The following TRPC4AP variants were observed in gnomAD, a reference collection of about 807,000 sequenced individuals.
TRPC4AP encodes the protein transient receptor potential cation channel subfamily C member 4 associated protein.
TRPC4AP carries 45 observed loss-of-function variants against 99.0 expected under a neutral mutation model. That is an observed-to-expected ratio of 0.45 (90% CI 0.36 to 0.58). TRPC4AP has a LOEUF of 0.58. Among genes scored for constraint, TRPC4AP ranks in the 20% least tolerant of loss-of-function variants. The pLI, the probability that TRPC4AP is intolerant of heterozygous loss-of-function variation, is 0.00. For synonymous variants in TRPC4AP, 408 were observed against 385.8 expected (o/e 1.06, Z -0.67); for missense variants, 879 against 985.3 (o/e 0.89, Z 1.44).
intron 2 of TRPC4AP, among the ~76,000 whole-genome samples, chr20:35,070,636 G>A (rs2084285126): frequency 6.6e-6 from 1 of 152,054 alleles, no homozygotes; most frequent in Non-Finnish European, 1.5e-5. Context: ...CTAACCTTGT[G>A]ATCCACCCGC....
chr20:35,035,206 T>C lies in TRPC4AP; in HGVS notation c.968A>G (p.Glu323Gly). 6.2e-7 allele frequency: 1 copy of C among 1,614,114 alleles called. No individual in the cohort carries two copies. The highest frequency in any genetic ancestry group is 8.5e-7 in the Non-Finnish European group (1 of 1,179,998). Residue 323 changes from glutamate to glycine, a missense_variant, in exon 8 of 19, where the codon GAA becomes GGA. Coordinates refer to ENST00000252015, the MANE Select transcript of TRPC4AP (RefSeq NM_015638.3). ...ATTGTCTAGCCATGTGTACCACTCT[T>C]CCAACTCCTGAAGGAAGCTGGCTGT... Reference protein sequence around the residue: ...TGTASFLQELEEWYTWLDNAL... With the variant: ...TGTASFLQELGEWYTWLDNAL...
At chr20:35,077,948 C>T in intron 2 of TRPC4AP, 98 bp downstream of exon 2, 2 of 1,378,892 alleles carry the variant, frequency 1.5e-6, no homozygotes, top group African/African-American at 1.5e-5. Flanking sequence ...TAAAAACAGG[C>T]TATTTTTAAA....
intron 15 of TRPC4AP, 118 bp downstream of exon 15, chr20:35,006,317 G>A (rs1044051404): frequency 8.2e-7 from 1 of 1,226,050 alleles, no homozygotes; most frequent in Non-Finnish European, 1.2e-6. Context: ...GCCAAAGACT[G>A]CCCAGACTCC....
At chr20:35,078,020 G>A (rs998961615) in intron 2 of TRPC4AP, 26 bp downstream of exon 2, 9 of 1,580,458 alleles carry the variant, frequency 5.7e-6, no homozygotes, top group African/African-American at 1.4e-5. Flanking sequence ...CCCTGAATAC[G>A]CCCCTCCAAG....
chr20:35,037,333 C>T (rs1258095349), intron 7 of TRPC4AP, among the ~76,000 whole-genome samples: 1 of 117,726 alleles, frequency 8.5e-6, no homozygotes, highest in African/African-American at 3.3e-5. Context: ...GGCGAAAGAG[C>T]GAGACTCTGT....
At position 35,083,775 on chromosome 20, in the gene TRPC4AP, C is replaced by T. The variant is rs1303759180; in HGVS notation, c.169-5601G>A. 1.3e-4 allele frequency among the ~76,000 whole-genome samples: 20 copies of T among 149,720 alleles called. 1 individual carries two copies. Among genetic ancestry groups the T allele is most frequent in the Admixed American group, 1.3e-3 (20 of 15,018 alleles). On this transcript the variant is annotated intron_variant, in intron 1 of 18. Transcript: ENST00000252015. ...TCTTGGGAGGCTACCAGAGAGTGTG[C>T]CCCAGGAAAAAGGAAGACAATTGAG...
intron 2 of TRPC4AP, among the ~76,000 whole-genome samples, chr20:35,074,772 G>A (rs1229500543): frequency 6.6e-6 from 1 of 152,170 alleles, no homozygotes; most frequent in African/African-American, 2.4e-5. Context: ...GAGTTCTGTA[G>A]ATGTCTATTA....
intron 7 of TRPC4AP, among the ~76,000 whole-genome samples, chr20:35,039,056 T>A (rs546330641): frequency 6.6e-6 from 1 of 152,052 alleles, no homozygotes; most frequent in African/African-American, 2.4e-5. Context: ...CTGGGCAACA[T>A]AGCCAGACTG....
At chr20:35,054,615 G>GT (rs1471833228) in intron 5 of TRPC4AP, among the ~76,000 whole-genome samples, 2 of 152,296 alleles carry the variant, frequency 1.3e-5, no homozygotes, top group African/African-American at 4.8e-5. Context: ...TTCTCATTTT[G>GT]TTTTCTAACA....
At chr20:35,079,961 G>A (rs1457153345) in intron 1 of TRPC4AP, among the ~76,000 whole-genome samples, 1 of 145,714 alleles carries the variant, frequency 6.9e-6, no homozygotes, top group Non-Finnish European at 1.5e-5. Context: ...GAATGAGGCG[G>A]CAGTGAGCTA....
At chr20:35,088,443 A>G (rs1305398995) in intron 1 of TRPC4AP, among the ~76,000 whole-genome samples, 1 of 152,228 alleles carries the variant, frequency 6.6e-6, no homozygotes, top group Non-Finnish European at 1.5e-5. Flanking sequence ...AATTTCCTGA[A>G]TATCAAATGG....
At chr20:35,029,289 G>A (rs1049137470) in intron 8 of TRPC4AP, among the ~76,000 whole-genome samples, 1 of 152,140 alleles carries the variant, frequency 6.6e-6, no homozygotes, top group African/African-American at 2.4e-5. Flanking sequence ...CTTTCTCGTG[G>A]ATGCTGCCTG....
rs1488150922 is a variant in TRPC4AP at position 35,005,236 on chromosome 20, T to G, written c.1936+459A>C. On this transcript the variant is annotated intron_variant, in intron 16 of 18. Transcript: ENST00000252015. ...GACAAGGAACAAGTGCCTGACTTTT[T>G]GGGGGTGTGGGGGGGTCACAAACCC... Among the ~76,000 whole-genome samples, 4 of 152,210 alleles carry G rather than the reference T, an allele frequency of 2.6e-5. No individual in the cohort carries two copies. The East Asian group carries it at 7.7e-4, about 29-fold the overall frequency.
intron 9 of TRPC4AP, among the ~76,000 whole-genome samples, 171 bp from the exon 10 acceptor site, chr20:35,016,310 C>T (rs1038966385): frequency 4.6e-5 from 7 of 152,188 alleles, no homozygotes; most frequent in Admixed American, 2.0e-4. Flanking sequence ...CCAGCACACA[C>T]AAACCCACTT....
At chr20:35,077,095 T>C (rs562822256) in intron 2 of TRPC4AP, among the ~76,000 whole-genome samples, 1 of 152,298 alleles carries the variant, frequency 6.6e-6, no homozygotes, top group Admixed American at 6.5e-5. Context: ...GCTGTGCCAT[T>C]TGCTAAGGCC....
At chr20:35,084,092 G>C (rs2084730879) in intron 1 of TRPC4AP, among the ~76,000 whole-genome samples, 1 of 151,906 alleles carries the variant, frequency 6.6e-6, no homozygotes, top group Non-Finnish European at 1.5e-5. Context: ...CTGAGGTCAG[G>C]AGTTCGAGAC....
chr20:35,046,635 C>T (rs2083567478), intron 6 of TRPC4AP, among the ~76,000 whole-genome samples: 1 of 152,136 alleles, frequency 6.6e-6, no homozygotes. Context: ...CCCATACTCG[C>T]CTCTATTTCT....
chr20:35,064,845 A>C (rs2084102687), intron 3 of TRPC4AP, among the ~76,000 whole-genome samples: 1 of 152,230 alleles, frequency 6.6e-6, no homozygotes, highest in Admixed American at 6.5e-5. Context: ...CAACTTCATA[A>C]AATTCAACAA....
intron 8 of TRPC4AP, among the ~76,000 whole-genome samples, chr20:35,022,469 T>C (rs1193459220): frequency 2.0e-5 from 3 of 152,198 alleles, no homozygotes; most frequent in Non-Finnish European, 4.4e-5. Context: ...ATCCCTACTA[T>C]TTTAAGAGGG....
Sources: gnomAD v4.1 joint callset for allele counts (sites outside exome capture counted in the v4.1 genomes callset) on GRCh38, gnomAD v4.1.1 for gene constraint, MANE v1.5 for transcripts, NCBI Gene and HGNC (gene_info 2026-07-23, HGNC 2026-07-21) for gene names.